RBFOX1: variants seen among roughly 807,000 people sequenced by gnomAD.
RBFOX1 encodes the protein RNA binding fox-1 homolog 1.
Under a neutral mutation model 57.7 loss-of-function variants are expected in RBFOX1, and 8 were observed. That is an observed-to-expected ratio of 0.14 (90% CI 0.08 to 0.25). The LOEUF (loss-of-function observed/expected upper bound fraction) is 0.25, where lower values mean the gene tolerates loss of function less well. RBFOX1 is among the 10% of genes least tolerant of loss of function. The probability of loss-of-function intolerance (pLI) is 1.00; values close to 1 mark genes in which losing one functional copy is unlikely to be tolerated. For missense variants in RBFOX1, 611 were observed against 548.5 expected (o/e 1.11, Z -1.14); for synonymous variants, 326 against 222.4 (o/e 1.47, Z -4.15).
intron 1 of RBFOX1, among the ~76,000 whole-genome samples, chr16:5,405,038 T>C (rs971305672): frequency 9.2e-5 from 14 of 152,234 alleles, no homozygotes; most frequent in Non-Finnish European, 1.8e-4. Context: ...GTACTGTTAT[T>C]ATTCCAGTCT....
At chr16:6,163,168 A>G (rs182472126) in intron 1 of RBFOX1, among the ~76,000 whole-genome samples, 2 of 152,322 alleles carry the variant, frequency 1.3e-5, no homozygotes, top group East Asian at 3.9e-4. Context: ...TGGGATGCAT[A>G]TTGCCTGAAA....
chr16:6,484,368 T>C (rs813914), intron 2 of RBFOX1, among the ~76,000 whole-genome samples: 82,128 of 151,932 alleles, frequency 0.54, 22,450 homozygotes, highest in East Asian at 0.68. Flanking sequence ...TGGTGTACTC[T>C]TCATCTTCTC....
chr16:6,988,741 TTG>T lies in RBFOX1; in HGVS notation c.-15-63314_-15-63313del, dbSNP rs201991013. ...CATCACACCCAGCTAATTTTTTTTT[TTG>T]TTTGTTTGTTTTTTGTTTTTTGTTT... is the stretch of plus-strand genomic sequence containing the variant. On this transcript the variant is annotated intron_variant, in intron 3 of 15. Transcript: ENST00000550418. Among the ~76,000 whole-genome samples the T allele has an allele frequency of 5.1e-3, 258 of 50,982 alleles. 3 individuals carry two copies. Among genetic ancestry groups the T allele is most frequent in the Middle Eastern group, 0.042 (5 of 120 alleles). 33.4% of individuals were successfully genotyped at this position (50,982 alleles called of 152,430 possible). A position where few individuals can be genotyped will look rare whatever the true frequency, so the allele number is the denominator to read the frequency against.
chr16:7,007,338 C>A (rs371559650), intron 3 of RBFOX1, among the ~76,000 whole-genome samples: 9 of 152,172 alleles, frequency 5.9e-5, no homozygotes, highest in Non-Finnish European at 1.2e-4. Context: ...TCATTGACTT[C>A]TTCTGCCATA....
At chr16:7,629,889 C>T (rs763938520) in intron 10 of RBFOX1, among the ~76,000 whole-genome samples, 2 of 152,180 alleles carry the variant, frequency 1.3e-5, no homozygotes, top group Admixed American at 1.3e-4. Flanking sequence ...GGGAAGAAAG[C>T]GGGAATACAG....
At chr16:5,788,568 G>C (rs534127964) in intron 3 of RBFOX1, among the ~76,000 whole-genome samples, 99 of 152,204 alleles carry the variant, frequency 6.5e-4, no homozygotes, top group Non-Finnish European at 1.2e-3. Flanking sequence ...GGCAGAGTTT[G>C]CAGTGAGCCG....
intron 3 of RBFOX1, among the ~76,000 whole-genome samples, chr16:6,739,352 C>T (rs747280384): frequency 2.6e-5 from 4 of 152,092 alleles, no homozygotes; most frequent in Non-Finnish European, 5.9e-5. Flanking sequence ...CAGCTCTGCA[C>T]TTACTCATTT....
chr16:5,637,344 A>C (rs563850851), intron 3 of RBFOX1, among the ~76,000 whole-genome samples: 2 of 152,274 alleles, frequency 1.3e-5, no homozygotes, highest in East Asian at 3.9e-4. Context: ...CTTAGTAGAT[A>C]GGTAAGTGGT....
rs79492445 is a variant in RBFOX1, at chr16:6,359,626, G to T, written c.-64+42569G>T. Among the ~76,000 whole-genome samples the T allele has an allele frequency of 9.2e-3, 1,408 of 152,280 alleles. 30 individuals carry two copies. Among genetic ancestry groups the T allele is most frequent in the African/African-American group, 0.029 (1,217 of 41,556 alleles). On this transcript the variant is annotated intron_variant, in intron 2 of 15. Transcript: ENST00000550418. ...AAAGCACTTGAACCAGAAAACATCAGACCAACATGTCCTGCAATGCTTTAT... is the reference window on the plus strand; with the variant it reads ...AAAGCACTTGAACCAGAAAACATCATACCAACATGTCCTGCAATGCTTTAT...
chr16:6,223,689 G>A (rs1163483762), intron 1 of RBFOX1, among the ~76,000 whole-genome samples: 1 of 152,156 alleles, frequency 6.6e-6, no homozygotes, highest in African/African-American at 2.4e-5. Context: ...TTGCTATGCA[G>A]AAGCTCTTTA....
intron 3 of RBFOX1, among the ~76,000 whole-genome samples, chr16:6,723,264 C>T (rs2066409134): frequency 6.6e-6 from 1 of 152,198 alleles, no homozygotes; most frequent in Non-Finnish European, 1.5e-5. Flanking sequence ...GCAGTTTCTT[C>T]GTGTTTCTTA....
chr16:7,593,660 A>G (rs1042236508), intron 7 of RBFOX1, among the ~76,000 whole-genome samples: 4 of 146,124 alleles, frequency 2.7e-5, no homozygotes, highest in African/African-American at 1.0e-4. Context: ...GTCCACTTAC[A>G]TGTGAATTTT....
chr16:7,080,677 G>A (rs532608583), intron 4 of RBFOX1, among the ~76,000 whole-genome samples: 15 of 152,088 alleles, frequency 9.9e-5, no homozygotes, highest in Admixed American at 2.0e-4. Flanking sequence ...TTTTGGGATT[G>A]GCTGCCATAT....
chr16:6,921,460 C>G (rs1439604452), intron 3 of RBFOX1, among the ~76,000 whole-genome samples: 2 of 152,214 alleles, frequency 1.3e-5, no homozygotes, highest in African/African-American at 4.8e-5. Flanking sequence ...TTCTTGCTGA[C>G]TGTTGGCCAT....
chr16:7,260,918 C>T lies in RBFOX1; in HGVS notation c.27+208820C>T, dbSNP rs182554109. ...GTCACTGGGGTTGGACCCATCATTA[C>T]GGTGAATGCTAGGCTCTGGCCAAAC... On this transcript the variant is annotated intron_variant, in intron 4 of 15. Transcript: ENST00000550418. 2.5e-4 allele frequency among the ~76,000 whole-genome samples: 38 copies of T among 152,272 alleles called. No individual in the cohort carries two copies. In the East Asian group the frequency reaches 4.8e-3, roughly 19 times the overall value.
chr16:5,477,633 A>G (rs1415590263), intron 2 of RBFOX1, among the ~76,000 whole-genome samples: 23 of 152,218 alleles, frequency 1.5e-4, no homozygotes, highest in Admixed American at 1.5e-3. Context: ...CATAGTCAGT[A>G]TCTTACTGCT....
At chr16:5,314,918 GT>G (rs1429016478) in intron 1 of RBFOX1, among the ~76,000 whole-genome samples, 1 of 151,704 alleles carries the variant, frequency 6.6e-6, no homozygotes, top group African/African-American at 2.4e-5. Context: ...AAAAAATACC[GT>G]TTTGAATTTT....
chr16:7,191,111 G>C (rs530981402), intron 4 of RBFOX1, among the ~76,000 whole-genome samples: 36 of 152,160 alleles, frequency 2.4e-4, no homozygotes, highest in African/African-American at 8.7e-4. Context: ...TCCTAACCCA[G>C]AGGAAAATCC....
intron 2 of RBFOX1, among the ~76,000 whole-genome samples, chr16:5,534,557 A>G (rs938962571): frequency 1.3e-5 from 2 of 152,200 alleles, no homozygotes; most frequent in African/African-American, 2.4e-5. Flanking sequence ...GCTGAAAGCA[A>G]CCAGCGCAGG....
Sources: allele counts gnomAD v4.1 joint callset (sites outside exome capture counted in the v4.1 genomes callset), GRCh38; gene constraint gnomAD v4.1.1; transcripts MANE v1.5; gene names NCBI Gene and HGNC (gene_info 2026-07-23, HGNC 2026-07-21).